C13orf42: variants seen among roughly 807,000 people sequenced by gnomAD.
C13orf42 encodes the protein chromosome 13 open reading frame 42.
At chr13:51,148,091 G>C (rs1315995583) in intron 1 of C13orf42, among the ~76,000 whole-genome samples, 1 of 152,228 alleles carries the variant, frequency 6.6e-6, no homozygotes, top group Non-Finnish European at 1.5e-5. Flanking sequence ...ATGACGCTTT[G>C]CATCTGCATA....
At chr13:51,143,294 G>C (rs972946391) in intron 1 of C13orf42, among the ~76,000 whole-genome samples, 1 of 152,164 alleles carries the variant, frequency 6.6e-6, no homozygotes, top group Non-Finnish European at 1.5e-5. Context: ...TGGGGGAAGA[G>C]GTGGGCGCAT....
At chr13:51,084,348 G>A (rs899119764) in intron 3 of C13orf42, 23 bp from the exon 4 acceptor site, 2 of 398,726 alleles carry the variant, frequency 5.0e-6, no homozygotes, top group Non-Finnish European at 8.8e-6. Flanking sequence ...AATGAGGCAG[G>A]AGGTTTAAGT....
rs541403696 is a variant in C13orf42, at chr13:51,084,054, T to G, written c.*97A>C. On this transcript the variant is annotated 3_prime_UTR_variant, in exon 4 of 4. Transcript: ENST00000563710. ...GCTGAGTGGGTTGACTGTGTTACAA[T>G]TGGCATTTTCAACTCTACCAAATAC... is the stretch of plus-strand genomic sequence containing the variant. The G allele has an allele frequency of 7.8e-5, 31 of 397,238 alleles. No individual in the cohort carries two copies. Among genetic ancestry groups the G allele is most frequent in the South Asian group, 4.2e-4 (3 of 7,162 alleles). The allele number at this position is 397,238 out of a possible 1,614,324, so 24.6% of individuals were successfully genotyped here.
At chr13:51,090,731 A>G (rs2137978836) in intron 1 of C13orf42, among the ~76,000 whole-genome samples, 1 of 152,318 alleles carries the variant, frequency 6.6e-6, no homozygotes, top group South Asian at 2.1e-4. Context: ...ATTGTTAAAG[A>G]GTTAGGAAAA....
At chr13:51,167,869 T>G (rs1953914377) in intron 1 of C13orf42, among the ~76,000 whole-genome samples, 1 of 152,188 alleles carries the variant, frequency 6.6e-6, no homozygotes, top group Admixed American at 6.5e-5. Flanking sequence ...GTATTGTACA[T>G]CCTGCTGCCT....
chr13:51,111,435 G>C (rs1169299476), upstream of C13orf42, among the ~76,000 whole-genome samples: 1 of 152,194 alleles, frequency 6.6e-6, no homozygotes, highest in Non-Finnish European at 1.5e-5. Flanking sequence ...ACAACCCGAA[G>C]ATAGAAGGTG....
chr13:51,136,021 C>A (rs1156451242), intron 1 of C13orf42, among the ~76,000 whole-genome samples: 1 of 152,180 alleles, frequency 6.6e-6, no homozygotes, highest in Non-Finnish European at 1.5e-5. Context: ...TGACCTCCAC[C>A]CCTAGGGGCC....
chr13:51,164,129 G>T (rs187377809), intron 1 of C13orf42, among the ~76,000 whole-genome samples: 1 of 152,158 alleles, frequency 6.6e-6, no homozygotes, highest in African/African-American at 2.4e-5. Context: ...TACGGCTAGC[G>T]CTCAACTCAA....
At chr13:51,108,831 A>G (rs185764090) in intron 1 of C13orf42, among the ~76,000 whole-genome samples, 163 of 152,354 alleles carry the variant, frequency 1.1e-3, no homozygotes, top group Admixed American at 2.9e-3. Context: ...GGTGAGAGGC[A>G]TCTCCGAAGG....
intron 1 of C13orf42, among the ~76,000 whole-genome samples, chr13:51,094,286 G>C (rs1474165976): frequency 1.3e-5 from 2 of 152,042 alleles, no homozygotes; most frequent in East Asian, 3.9e-4. Context: ...ATTGCTACAG[G>C]GTTGTCATTA....
chr13:51,163,351 T>C (rs748719581), intron 1 of C13orf42, among the ~76,000 whole-genome samples: 16 of 152,186 alleles, frequency 1.1e-4, no homozygotes, highest in Non-Finnish European at 1.6e-4. Flanking sequence ...TATTTCATCA[T>C]AGTCAGAAGG....
intron 1 of C13orf42, among the ~76,000 whole-genome samples, chr13:51,116,941 C>T (rs2138010232): frequency 6.6e-6 from 1 of 152,352 alleles, no homozygotes; most frequent in East Asian, 1.9e-4. Context: ...GTGGACACGG[C>T]CAAGCCTTCA....
At chr13:51,151,694 T>C (rs564770628) in intron 1 of C13orf42, among the ~76,000 whole-genome samples, 1 of 152,362 alleles carries the variant, frequency 6.6e-6, no homozygotes, top group Non-Finnish European at 1.5e-5. Flanking sequence ...CAACATGCTA[T>C]GCACTAAACA....
chr13:51,141,596 G>A (rs1362933235), intron 1 of C13orf42, among the ~76,000 whole-genome samples: 11 of 151,960 alleles, frequency 7.2e-5, no homozygotes, highest in South Asian at 4.2e-4. Context: ...TCAGGAGTTC[G>A]AGACCAGCCT....
intron 1 of C13orf42, among the ~76,000 whole-genome samples, chr13:51,107,076 G>C (rs1413458085): frequency 1.3e-5 from 2 of 152,202 alleles, no homozygotes; most frequent in Non-Finnish European, 2.9e-5. Flanking sequence ...CCCACCCGAG[G>C]CTCACCTCGC....
intron 1 of C13orf42, among the ~76,000 whole-genome samples, chr13:51,100,104 A>G (rs986240516): frequency 6.6e-6 from 1 of 150,790 alleles, no homozygotes; most frequent in African/African-American, 2.5e-5. Context: ...GGAAAATTCA[A>G]GTTGTGTTCT....
intron 1 of C13orf42, among the ~76,000 whole-genome samples, chr13:51,106,958 G>C (rs910819573): frequency 5.3e-5 from 8 of 152,210 alleles, no homozygotes; most frequent in African/African-American, 1.9e-4. Flanking sequence ...TGCAAAAAGT[G>C]TATTTCATTC....
intron 1 of C13orf42, among the ~76,000 whole-genome samples, chr13:51,093,049 A>G (rs1222930006): frequency 2.0e-5 from 3 of 152,348 alleles, no homozygotes; most frequent in East Asian, 3.9e-4. Flanking sequence ...AACAAAACTG[A>G]TAATTTCTTA....
At chr13:51,125,860 C>T (rs1953572553) in intron 1 of C13orf42, among the ~76,000 whole-genome samples, 1 of 152,208 alleles carries the variant, frequency 6.6e-6, no homozygotes, top group Admixed American at 6.5e-5. Flanking sequence ...ATGACAACAG[C>T]TAACTGAGCT....
Sources: gnomAD v4.1 joint callset for allele counts (sites outside exome capture counted in the v4.1 genomes callset) on GRCh38, gnomAD v4.1.1 for gene constraint, MANE v1.5 for transcripts, NCBI Gene and HGNC (gene_info 2026-07-23, HGNC 2026-07-21) for gene names.